The following KCNB2 variants were observed in gnomAD, a reference collection of about 807,000 sequenced individuals.
KCNB2 encodes the protein delayed rectifier potassium channel protein.
KCNB2 carries 15 observed loss-of-function variants against 61.5 expected under a neutral mutation model. The observed-to-expected ratio is 0.24, with a 90% confidence interval of 0.16 to 0.38. The LOEUF (loss-of-function observed/expected upper bound fraction) is 0.38, where lower values mean the gene tolerates loss of function less well. Among genes scored for constraint, KCNB2 ranks in the 10% least tolerant of loss-of-function variants. The probability of loss-of-function intolerance (pLI) is 1.00; values close to 1 mark genes in which losing one functional copy is unlikely to be tolerated. For synonymous variants in KCNB2, 457 were observed against 446.0 expected, an observed-to-expected ratio of 1.02 and a Z score of -0.31; for missense variants, 828 against 1,125.2, an observed-to-expected ratio of 0.74 and a Z score of 3.78.
At chr8:72,714,968 C>T (rs1412852807) in intron 2 of KCNB2, among the ~76,000 whole-genome samples, 1 of 152,130 alleles carries the variant, frequency 6.6e-6, no homozygotes, top group East Asian at 1.9e-4. Context: ...GGAGGAAGAT[C>T]TACCAAGCAA....
At chr8:72,853,926 C>T (rs149489948) in intron 2 of KCNB2, among the ~76,000 whole-genome samples, 5 of 152,174 alleles carry the variant, frequency 3.3e-5, no homozygotes, top group East Asian at 1.9e-4. Context: ...TAGATATTTC[C>T]GCAATATTCA....
Position 72,847,245 on chromosome 8 carries a change from G to A in KCNB2, c.580-88690G>A, listed in dbSNP as rs571773713. Among the ~76,000 whole-genome samples the A allele has an allele frequency of 6.6e-4, 100 of 152,254 alleles. 1 individual carries two copies. Among genetic ancestry groups the A allele is most frequent in the Non-Finnish European group, 1.1e-3 (76 of 68,008 alleles). ...TTTCACTCAAGAAACAGAATAAAAGGACACTTTCTCAGGAAGAGGTTGGGG... is the reference window on the plus strand; with the variant it reads ...TTTCACTCAAGAAACAGAATAAAAGAACACTTTCTCAGGAAGAGGTTGGGG... On this transcript the variant is annotated intron_variant, in intron 2 of 2. Coordinates refer to ENST00000523207, the MANE Select transcript of KCNB2 (RefSeq NM_004770.3).
At chr8:72,890,224 T>C (rs1245633232) in intron 2 of KCNB2, among the ~76,000 whole-genome samples, 1 of 152,172 alleles carries the variant, frequency 6.6e-6, no homozygotes, top group Non-Finnish European at 1.5e-5. Context: ...TCATTCCATA[T>C]ATTCTTCCAA....
chr8:72,754,785 A>T (rs1478990861), intron 2 of KCNB2, among the ~76,000 whole-genome samples: 1 of 152,196 alleles, frequency 6.6e-6, no homozygotes, highest in Non-Finnish European at 1.5e-5. Flanking sequence ...GAGTAAGTAA[A>T]CACATTCAGT....
intron 2 of KCNB2, among the ~76,000 whole-genome samples, chr8:72,858,846 G>A (rs1810248882): frequency 6.6e-6 from 1 of 152,166 alleles, no homozygotes; most frequent in African/African-American, 2.4e-5. Flanking sequence ...AATAAGGGTT[G>A]CTCCTCTTCC....
intron 2 of KCNB2, among the ~76,000 whole-genome samples, chr8:72,780,466 C>T (rs1201981805): frequency 6.6e-6 from 1 of 152,082 alleles, no homozygotes; most frequent in African/African-American, 2.4e-5. Context: ...AACTTGGAAC[C>T]AGATTTTAAG....
At chr8:72,843,395 A>G (rs1167944733) in intron 2 of KCNB2, among the ~76,000 whole-genome samples, 1 of 152,344 alleles carries the variant, frequency 6.6e-6, no homozygotes, top group East Asian at 1.9e-4. Flanking sequence ...TGTGGTGCTG[A>G]GAAGAATGTA....
chr8:72,632,520 T>C (rs965437252), intron 2 of KCNB2, among the ~76,000 whole-genome samples: 10 of 152,166 alleles, frequency 6.6e-5, no homozygotes, highest in African/African-American at 1.9e-4. Flanking sequence ...TTGTTAACTA[T>C]ACCTCCCTCA....
intron 2 of KCNB2, among the ~76,000 whole-genome samples, chr8:72,860,082 T>C (rs554258679): frequency 6.6e-6 from 1 of 152,350 alleles, no homozygotes; most frequent in African/African-American, 2.4e-5. Context: ...ATTTATTTAT[T>C]CATTAGCTGA....
At position 72,936,465 on chromosome 8, in the gene KCNB2, A is replaced by T; in HGVS notation, c.1110A>T (p.Ala370=). The T allele has an allele frequency of 1.2e-6, 2 of 1,614,208 alleles. No homozygotes were observed. The highest frequency in any genetic ancestry group is 1.7e-6 in the Non-Finnish European group (2 of 1,180,010). Residue 370 remains alanine (A), a synonymous_variant, in exon 3 of 3, where the codon GCA becomes GCT. Coordinates refer to ENST00000523207, the MANE Select transcript of KCNB2 (RefSeq NM_004770.3). The surrounding 1 kb of genome is among the most constrained non-coding windows in gnomAD (Gnocchi z 5.6). ...CTACCAAGTTCACCAGTATCCCTGC[A>T]TCATTTTGGTGGGCCACCATCACCA... ...EDATKFTSIP[A]SFWWATITMT...
At chr8:72,736,444 C>T (rs1248486216) in intron 2 of KCNB2, among the ~76,000 whole-genome samples, 1 of 152,060 alleles carries the variant, frequency 6.6e-6, no homozygotes, top group Admixed American at 6.6e-5. Context: ...TAATCAGTTT[C>T]CAAGGTTCAT....
At chr8:72,627,750 T>A (rs544116251) in intron 2 of KCNB2, among the ~76,000 whole-genome samples, 6 of 151,988 alleles carry the variant, frequency 3.9e-5, no homozygotes, top group Non-Finnish European at 8.8e-5. Flanking sequence ...TGACTTCAGA[T>A]AACTCTCCTT....
At chr8:72,730,736 C>T (rs1585858153) in intron 2 of KCNB2, among the ~76,000 whole-genome samples, 1 of 152,098 alleles carries the variant, frequency 6.6e-6, no homozygotes, top group East Asian at 1.9e-4. Flanking sequence ...AAGAATATAG[C>T]ATATAATTTT....
At chr8:72,742,846 A>T (rs1398930538) in intron 2 of KCNB2, among the ~76,000 whole-genome samples, 2 of 152,178 alleles carry the variant, frequency 1.3e-5, no homozygotes, top group East Asian at 3.9e-4. Flanking sequence ...CTGACGATAA[A>T]TTCTTCTTTC....
intron 1 of KCNB2, among the ~76,000 whole-genome samples, chr8:72,541,073 ACTTAATAATTTTATAC>A (rs1806181937): frequency 6.6e-6 from 1 of 151,912 alleles, no homozygotes; most frequent in Non-Finnish European, 1.5e-5. Flanking sequence ...ACAGAAATGC[ACTTAATAATTTTATAC>A]TTAGCAAATT....
intron 2 of KCNB2, among the ~76,000 whole-genome samples, chr8:72,884,382 G>A (rs1268765036): frequency 2.0e-5 from 3 of 152,052 alleles, no homozygotes; most frequent in Non-Finnish European, 4.4e-5. Flanking sequence ...CGGGGGAGGG[G>A]AGTGGGTTGT....
At chr8:72,816,731 C>T (rs554216534) in intron 2 of KCNB2, among the ~76,000 whole-genome samples, 7 of 152,238 alleles carry the variant, frequency 4.6e-5, no homozygotes, top group Admixed American at 2.6e-4. Flanking sequence ...ATTCTAGGAG[C>T]GTCTTCATTT....
rs1808088442 is a variant in KCNB2 at position 72,747,131 on chromosome 8, CA to C, written c.579+178821del. Among the ~76,000 whole-genome samples the C allele has an allele frequency of 1.3e-5, 2 of 152,100 alleles. 1 individual carries two copies. Among genetic ancestry groups the C allele is most frequent in the South Asian group, 4.1e-4 (2 of 4,828 alleles). ...AGGCATGACACATATTTCACCACCACAAAGGGAAGCCCCAGGGGCTGTGTCA... is the reference window on the plus strand; with the variant it reads ...AGGCATGACACATATTTCACCACCACAAGGGAAGCCCCAGGGGCTGTGTCA... On this transcript the variant is annotated intron_variant, in intron 2 of 2. Transcript: ENST00000523207.
chr8:72,734,905 TA>T lies in KCNB2; in HGVS notation c.579+166594del, dbSNP rs775390354. Among the ~76,000 whole-genome samples, 24 of 152,336 alleles carry T rather than the reference TA, an allele frequency of 1.6e-4. 1 individual carries two copies. The East Asian group carries it at 4.2e-3, about 27-fold the overall frequency. On this transcript the variant is annotated intron_variant, in intron 2 of 2. Coordinates refer to ENST00000523207, the MANE Select transcript of KCNB2 (RefSeq NM_004770.3). ...GCAGGTGGTCCATGCAGGCTTGTGC[TA>T]ATGAATTCGGCAGCTTGTACTGTAA...
Sources: gnomAD v4.1 joint callset for allele counts (sites outside exome capture counted in the v4.1 genomes callset) on GRCh38, gnomAD v4.1.1 for gene constraint, Gnocchi (gnomAD v3.1) non-coding constraint, MANE v1.5 for transcripts, NCBI Gene and HGNC (gene_info 2026-07-23, HGNC 2026-07-21) for gene names.